The following MORC3 variants were observed in gnomAD, a reference collection of about 807,000 sequenced individuals.
The protein encoded by MORC3 is MORC family CW-type zinc finger 3, also known as MORC family CW-type zinc finger protein 3.
A neutral mutation model predicts 109.1 loss-of-function variants in MORC3; 31 were observed. The ratio of observed to expected loss-of-function variants is 0.28; its 90% CI spans 0.21 to 0.38. MORC3 has a LOEUF of 0.38. MORC3 is among the 10% of genes least tolerant of loss of function. The probability of loss-of-function intolerance (pLI) is 1.00; values close to 1 mark genes in which losing one functional copy is unlikely to be tolerated. For missense variants in MORC3, 867 were observed against 1,135.8 expected (o/e 0.76, Z 3.40); for synonymous variants, 395 against 380.7 (o/e 1.04, Z -0.44).
chr21:36,323,976 A>G (rs1476073893), intron 1 of MORC3, among the ~76,000 whole-genome samples: 1 of 150,830 alleles, frequency 6.6e-6, no homozygotes, highest in African/African-American at 2.4e-5. Flanking sequence ...CCCGGGTTCA[A>G]GCGATTCTCC....
rs1160109592 is a variant in MORC3, at chr21:36,359,811, A to C, written c.1209-144A>C. 5 of 1,190,626 alleles carry C rather than the reference A, an allele frequency of 4.2e-6. No homozygotes were observed. The African/African-American group carries it at 7.6e-5, about 18-fold the overall frequency. The allele number at this position is 1,190,626 out of a possible 1,614,324, so 73.8% of individuals were successfully genotyped here. The stretch of plus-strand genomic sequence containing the variant: ...ATTATAGGCATGAGCCGTCGCACCC[A>C]GCCTAATTTTGAAAGAGTTACGTCA... On this transcript the variant is annotated intron_variant, in intron 10 of 16. Transcript: ENST00000400485.
At chr21:36,353,908 T>C (rs1320808247) in intron 9 of MORC3, among the ~76,000 whole-genome samples, 1 of 151,070 alleles carries the variant, frequency 6.6e-6, no homozygotes, top group African/African-American at 2.4e-5. Context: ...CCATCTCTAC[T>C]AAAAATAAAA....
intron 9 of MORC3, among the ~76,000 whole-genome samples, chr21:36,349,670 G>C (rs1446377230): frequency 6.6e-6 from 1 of 152,154 alleles, no homozygotes; most frequent in East Asian, 1.9e-4. Context: ...AAATCCACAA[G>C]GTGGCAAAAC....
At chr21:36,336,537 T>C (rs2085377869) in intron 2 of MORC3, among the ~76,000 whole-genome samples, 2 of 152,290 alleles carry the variant, frequency 1.3e-5, no homozygotes, top group South Asian at 2.1e-4. Flanking sequence ...AGCCACCACA[T>C]GCAGACTTAG....
chr21:36,365,168 G>A (rs1418237210), intron 14 of MORC3, among the ~76,000 whole-genome samples: 1 of 152,114 alleles, frequency 6.6e-6, no homozygotes, highest in African/African-American at 2.4e-5. Context: ...GGAGTGGATG[G>A]AGAAGGAAGG....
At chr21:36,323,180 G>A (rs781644193) in intron 1 of MORC3, among the ~76,000 whole-genome samples, 25 of 152,042 alleles carry the variant, frequency 1.6e-4, no homozygotes, top group Admixed American at 9.8e-4. Context: ...TTTAACATCT[G>A]TCTGGAAATT....
chr21:36,361,777 C>G (rs1463020270), intron 12 of MORC3: 1 of 179,916 alleles, frequency 5.6e-6, no homozygotes, highest in African/African-American at 2.4e-5. Flanking sequence ...ATCCCAGCTA[C>G]TCGGGAGGCT....
chr21:36,343,093 GT>G (rs79025103), intron 6 of MORC3, among the ~76,000 whole-genome samples: 110,887 of 151,854 alleles, frequency 0.73, 41,570 homozygotes, highest in East Asian at 1. Flanking sequence ...TAATATCAAG[GT>G]TTTTTTGTTT....
intron 15 of MORC3, among the ~76,000 whole-genome samples, chr21:36,370,631 A>ATTTTTTTTT (rs2085847305): frequency 4.2e-5 from 1 of 23,822 alleles, no homozygotes. Context: ...ATATATATAT[A>ATTTTTTTTT]TATATATATT....
At chr21:36,354,484 T>C (rs1030866627) in intron 9 of MORC3, among the ~76,000 whole-genome samples, 3 of 151,332 alleles carry the variant, frequency 2.0e-5, no homozygotes, top group African/African-American at 4.9e-5. Flanking sequence ...TTTGTGTGTT[T>C]AGTAGAGATG....
At position 36,364,241 on chromosome 21, in the gene MORC3, C is replaced by T. The variant is rs2085753290; in HGVS notation, c.1601C>T (p.Ser534Phe). 1.2e-6 allele frequency: 2 copies of T among 1,614,082 alleles called. No homozygotes were observed. The highest frequency in any genetic ancestry group is 2.7e-5 in the African/African-American group (2 of 75,040). ...LLNNHQVPPQSEPESNSLKRR... is the reference protein window; with the variant it reads ...LLNNHQVPPQFEPESNSLKRR... Reference sequence around the variant, plus strand: ...AATAATCATCAAGTTCCACCTCAGTCTGAACCTGAGAGCAACAGGTCAGTG... The same window carrying T: ...AATAATCATCAAGTTCCACCTCAGTTTGAACCTGAGAGCAACAGGTCAGTG... Residue 534 changes from serine to phenylalanine, a missense_variant, in exon 14 of 17, where the codon TCT (serine) becomes TTT (phenylalanine). Ser to Phe is a radical substitution (Grantham distance 155, BLOSUM62 -2). Transcript: ENST00000400485.
At chr21:36,365,051 C>A (rs377465201) in intron 14 of MORC3, among the ~76,000 whole-genome samples, 311 of 94,192 alleles carry the variant, frequency 3.3e-3, no homozygotes, top group South Asian at 4.1e-3. Flanking sequence ...GACTCCATCT[C>A]AAAAAAAAAA....
At chr21:36,365,069 A>AAC in intron 14 of MORC3, among the ~76,000 whole-genome samples, 1 of 151,790 alleles carries the variant, frequency 6.6e-6, no homozygotes, top group South Asian at 2.1e-4. Flanking sequence ...AAAAAAAAAA[A>AAC]ACATGAAGCA....
Position 36,345,491 on chromosome 21 carries a change from G to A in MORC3, c.1005+460G>A, listed in dbSNP as rs1211315231. On this transcript the variant is annotated intron_variant, in intron 8 of 16. Coordinates refer to ENST00000400485, the MANE Select transcript of MORC3 (RefSeq NM_015358.3). ...GGCTGGAGTGCAGTGGCGATATCTC[G>A]GCTCACTGCAGCCTCTGCCTTCTGG... 4.0e-5 allele frequency among the ~76,000 whole-genome samples: 6 copies of A among 151,230 alleles called. No homozygotes were observed. The East Asian group carries it at 5.8e-4, about 15-fold the overall frequency.
intron 9 of MORC3, among the ~76,000 whole-genome samples, chr21:36,354,618 A>G (rs1016431940): frequency 6.6e-6 from 1 of 152,144 alleles, no homozygotes; most frequent in African/African-American, 2.4e-5. Flanking sequence ...TTATTTTCAT[A>G]AAAATATCTC....
At chr21:36,338,967 G>T in intron 5 of MORC3, 46 bp downstream of exon 5, 1 of 1,590,896 alleles carries the variant, frequency 6.3e-7, no homozygotes, top group Non-Finnish European at 8.6e-7. Context: ...TAAAGTGCAC[G>T]TGCAGGGTGG....
chr21:36,346,078 T>C (rs923663201), intron 8 of MORC3, among the ~76,000 whole-genome samples: 4 of 152,186 alleles, frequency 2.6e-5, no homozygotes, highest in Non-Finnish European at 5.9e-5. Flanking sequence ...TGGAGTGCAG[T>C]GGTGTGATCT....
At chr21:36,339,964 C>T (rs1312098295) in intron 5 of MORC3, among the ~76,000 whole-genome samples, 1 of 152,012 alleles carries the variant, frequency 6.6e-6, no homozygotes, top group Non-Finnish European at 1.5e-5. Flanking sequence ...ATTCAGTTTC[C>T]CCTGCTGGTA....
Position 36,360,216 on chromosome 21 carries a change from A to T in MORC3, c.1364A>T (p.Glu455Val), listed in dbSNP as rs2085697473. 3 of 1,614,134 alleles carry T rather than the reference A, an allele frequency of 1.9e-6. No individual in the cohort carries two copies. Among genetic ancestry groups the T allele is most frequent in the Non-Finnish European group, 2.5e-6 (3 of 1,180,030 alleles). The change falls in exon 12 of 17, where the codon GAG becomes GTG. Residue 455 changes from glutamate to valine, a missense_variant. Physicochemically the swap from Glu to Val is moderately radical, Grantham distance 121. Coordinates refer to ENST00000400485, the MANE Select transcript of MORC3 (RefSeq NM_015358.3). Reference protein sequence around the residue: ...NCEVPEEPEDEDLVHPTYEKT... With the variant: ...NCEVPEEPEDVDLVHPTYEKT... ...GAGGTTCCAGAAGAACCTGAAGATGAGGATTTGGTACATCCCACTTATGAA... is the reference window on the plus strand; with the variant it reads ...GAGGTTCCAGAAGAACCTGAAGATGTGGATTTGGTACATCCCACTTATGAA...
Sources: allele counts gnomAD v4.1 joint callset (sites outside exome capture counted in the v4.1 genomes callset), GRCh38; gene constraint gnomAD v4.1.1; transcripts MANE v1.5; gene names NCBI Gene and HGNC (gene_info 2026-07-23, HGNC 2026-07-21).